Variants in TRIM37 observed in about 807,000 individuals in gnomAD.
The protein encoded by TRIM37 is tripartite motif containing 37.
In TRIM37, 80 loss-of-function variants were observed where a neutral mutation model predicts 129.8. The ratio of observed to expected loss-of-function variants is 0.62; its 90% CI spans 0.51 to 0.74. The LOEUF (loss-of-function observed/expected upper bound fraction) is 0.74. Among genes scored for constraint, TRIM37 ranks in the 30% least tolerant of loss-of-function variants. The probability of loss-of-function intolerance (pLI) is 0.00; values close to 1 mark genes in which losing one functional copy is unlikely to be tolerated. For synonymous variants in TRIM37, 389 were observed against 387.1 expected, an observed-to-expected ratio of 1.00 and a Z score of -0.06; for missense variants, 1,054 against 1,176.5, an observed-to-expected ratio of 0.90 and a Z score of 1.52.
chr17:59,057,172 C>T, intron 12 of TRIM37, 118 bp from the exon 13 acceptor site: 1 of 820,562 alleles, frequency 1.2e-6, no homozygotes, highest in Non-Finnish European at 1.9e-6. Context: ...TTGATATACG[C>T]AGTTACATTT....
At chr17:58,992,568 T>G (rs554677803) in intron 24 of TRIM37, among the ~76,000 whole-genome samples, 1 of 151,932 alleles carries the variant, frequency 6.6e-6, no homozygotes, top group Non-Finnish European at 1.5e-5. Flanking sequence ...TTAGTAAAGA[T>G]AGGGTTTCTC....
chr17:59,062,656 A>G lies in TRIM37; in HGVS notation c.861-8T>C. 4 of 1,613,300 alleles carry G rather than the reference A, an allele frequency of 2.5e-6. No individual in the cohort carries two copies. The highest frequency in any genetic ancestry group is 4.5e-5 in the East Asian group (2 of 44,850). Reference sequence around the variant, plus strand: ...GCTCTCTGACGCAAAGTGCTAACGAAAAAGAAAACCAACCAAATCCCAAGA... The same window carrying G: ...GCTCTCTGACGCAAAGTGCTAACGAGAAAGAAAACCAACCAAATCCCAAGA... On this transcript the variant is annotated splice_region_variant and splice_polypyrimidine_tract_variant and intron_variant, in intron 10 of 23. Coordinates refer to ENST00000262294, the MANE Select transcript of TRIM37 (RefSeq NM_015294.6).
rs762912390 is a variant in TRIM37 at position 59,081,953 on chromosome 17, TAAAAA to T, written c.370-739_370-735del. ...AATAAAAACCAAAAAAAAAAAAAAATAAAAAAAAAAAAATAATAATAATAATAATA... is the reference window on the plus strand; with the variant it reads ...AATAAAAACCAAAAAAAAAAAAAAATAAAAAAAATAATAATAATAATAATA... On this transcript the variant is annotated intron_variant, in intron 5 of 23. Transcript: ENST00000262294. 8.2e-3 allele frequency among the ~76,000 whole-genome samples: 928 copies of T among 113,302 alleles called. 6 individuals are homozygous for T. Among genetic ancestry groups the T allele is most frequent in the South Asian group, 0.021 (73 of 3,548 alleles). The allele number at this position is 113,302 out of a possible 152,430, so 74.3% of individuals were successfully genotyped here.
At chr17:59,065,723 T>C (rs1472040603) in intron 9 of TRIM37, among the ~76,000 whole-genome samples, 1 of 152,222 alleles carries the variant, frequency 6.6e-6, no homozygotes, top group Non-Finnish European at 1.5e-5. Context: ...TCAGATATAT[T>C]TTCTAAAGTT....
Position 58,989,164 on chromosome 17 carries a change from T to C in TRIM37, c.2892-6243A>G, listed in dbSNP as rs149284555. Among the ~76,000 whole-genome samples the C allele has an allele frequency of 5.7e-4, 87 of 152,202 alleles. 2 individuals carry two copies. In the Middle Eastern group the frequency reaches 0.017, roughly 30 times the overall value. On this transcript the variant is annotated intron_variant, in intron 24 of 24. Coordinates refer to the TRIM37 transcript ENST00000393066. ...AGTCAGATAACAGAGATTTTGGAAA[T>C]GAGAGAGAATTTTAAATAATTATTG...
intron 12 of TRIM37, among the ~76,000 whole-genome samples, chr17:59,060,631 G>A (rs148121538): frequency 1.3e-5 from 2 of 152,286 alleles, no homozygotes; most frequent in African/African-American, 4.8e-5. Context: ...CGGGGAATGG[G>A]AAGTGACTGC....
intron 9 of TRIM37, among the ~76,000 whole-genome samples, chr17:59,068,227 C>A (rs1467675328): frequency 6.6e-6 from 1 of 152,176 alleles, no homozygotes; most frequent in Non-Finnish European, 1.5e-5. Context: ...GCCTGATGAG[C>A]TGCTGAAAGT....
At chr17:59,083,265 G>A (rs1373270754) in intron 5 of TRIM37, among the ~76,000 whole-genome samples, 2 of 151,840 alleles carry the variant, frequency 1.3e-5, no homozygotes, top group East Asian at 1.9e-4. Flanking sequence ...GAGAAACCCC[G>A]TCTCTACTAA....
chr17:59,019,007 T>C (rs1325171064), intron 19 of TRIM37, among the ~76,000 whole-genome samples: 1 of 152,188 alleles, frequency 6.6e-6, no homozygotes, highest in Non-Finnish European at 1.5e-5. Flanking sequence ...CAATAAGTGT[T>C]GCCAACGGTA....
At chr17:59,049,414 C>A (rs760691319) in intron 14 of TRIM37, 21 bp from the exon 15 acceptor site, 5 of 1,599,500 alleles carry the variant, frequency 3.1e-6, no homozygotes, top group Non-Finnish European at 4.3e-6. Context: ...AAGAAAAGCA[C>A]AAATATTAGC....
intron 21 of TRIM37, among the ~76,000 whole-genome samples, chr17:59,013,865 A>C (rs949473822): frequency 3.9e-5 from 6 of 152,044 alleles, no homozygotes; most frequent in Non-Finnish European, 7.3e-5. Context: ...ACACTACTTT[A>C]AATCAGGCAG....
At position 59,002,197 on chromosome 17, in the gene TRIM37, G is replaced by A. The variant is rs112699168; in HGVS notation, c.2696-483C>T. ...CTAATAATAGTTTGTATTCTAATTG[G>A]GCATCTAATTTTTTTGTGTATGTCG... On this transcript the variant is annotated intron_variant, in intron 22 of 23. Transcript: ENST00000262294. Among the ~76,000 whole-genome samples, 132 of 151,900 alleles carry A rather than the reference G, an allele frequency of 8.7e-4. No individual in the cohort carries two copies. The Middle Eastern group carries it at 0.01, about 12-fold the overall frequency.
At chr17:59,095,826 C>T (rs1339511704) in intron 2 of TRIM37, among the ~76,000 whole-genome samples, 1 of 152,192 alleles carries the variant, frequency 6.6e-6, no homozygotes, top group Non-Finnish European at 1.5e-5. Flanking sequence ...TCAAGAGGTC[C>T]TCCCACCTGA....
intron 4 of TRIM37, chr17:59,087,973 C>T (rs143716684): frequency 1.9e-6 from 1 of 523,640 alleles, no homozygotes; most frequent in Non-Finnish European, 3.4e-6. Context: ...TGTATTATCA[C>T]TGTGTCCCCA....
chr17:59,065,890 A>G (rs754108770), intron 9 of TRIM37, among the ~76,000 whole-genome samples: 1 of 152,236 alleles, frequency 6.6e-6, no homozygotes. Context: ...TAAATAGGTC[A>G]CGTCTTTTAC....
At chr17:59,081,964 A>AAAAAAAAAAAAAAAAAAAAAAAAT (rs1568200247) in intron 5 of TRIM37, among the ~76,000 whole-genome samples, 1 of 87,228 alleles carries the variant, frequency 1.1e-5, no homozygotes, top group Non-Finnish European at 2.2e-5. Context: ...AAAAAAAAAA[A>AAAAAAAAAAAAAAAAAAAAAAAAT]AATAATAATA....
At chr17:59,040,758 T>A (rs958097268) in intron 17 of TRIM37, among the ~76,000 whole-genome samples, 7 of 152,118 alleles carry the variant, frequency 4.6e-5, no homozygotes, top group African/African-American at 1.7e-4. Flanking sequence ...ATATTAAGAA[T>A]ATGCCAGGCC....
At chr17:59,013,300 C>A (rs978420109) in intron 21 of TRIM37, among the ~76,000 whole-genome samples, 1 of 151,960 alleles carries the variant, frequency 6.6e-6, no homozygotes, top group African/African-American at 2.4e-5. Flanking sequence ...TCCAGCACCA[C>A]GCCCGGCAAT....
chr17:59,038,486 T>C (rs74932232), intron 17 of TRIM37, among the ~76,000 whole-genome samples: 1 of 152,272 alleles, frequency 6.6e-6, no homozygotes, highest in East Asian at 1.9e-4. Context: ...TTACAGAATA[T>C]TCAGAATTAT....
Sources: gnomAD v4.1 joint callset for allele counts (sites outside exome capture counted in the v4.1 genomes callset) on GRCh38, gnomAD v4.1.1 for gene constraint, MANE v1.5 for transcripts, NCBI Gene and HGNC (gene_info 2026-07-23, HGNC 2026-07-21) for gene names.